The following EGFLAM variants were observed in gnomAD, a reference collection of about 807,000 sequenced individuals.
EGFLAM encodes the protein pikachurin.
In EGFLAM, 79 loss-of-function variants were observed where a neutral mutation model predicts 113.1. The observed-to-expected ratio is 0.70, with a 90% CI of 0.58 to 0.84. The LOEUF (loss-of-function observed/expected upper bound fraction) is 0.84, where lower values mean the gene tolerates loss of function less well. EGFLAM is among the 40% of genes least tolerant of loss of function. EGFLAM has a pLI of 0.00. For synonymous variants in EGFLAM, 504 were observed against 487.6 expected (o/e 1.03, Z -0.44); for missense variants, 1,265 against 1,291.6 (o/e 0.98, Z 0.32).
At chr5:38,422,726 G>A (rs75457342) in intron 12 of EGFLAM, among the ~76,000 whole-genome samples, 4,475 of 152,240 alleles carry the variant, frequency 0.029, 230 homozygotes, top group African/African-American at 0.1. Context: ...CAAAAAATGT[G>A]CAATAAATGG....
In EGFLAM at chr5:38,282,834, TTTGTTTGTTTGC is replaced by T. The variant is rs1417984262; in HGVS notation, c.97+23994_97+24005del. On this transcript the variant is annotated intron_variant, in intron 1 of 21. Coordinates refer to ENST00000322350, the MANE Select transcript of EGFLAM (RefSeq NM_152403.4). ...CTCATTCCCAACCTGCATTGAGTTT[TTTGTTTGTTTGC>T]TTGTTTGTTTTTTTCTGAGACAAGG... is the stretch of plus-strand genomic sequence containing the variant. Among the ~76,000 whole-genome samples, 747 of 152,234 alleles carry T rather than the reference TTTGTTTGTTTGC, an allele frequency of 4.9e-3. 9 individuals are homozygous for T. The highest frequency in any genetic ancestry group is 0.017 in the African/African-American group (700 of 41,520).
chr5:38,388,348 G>A (rs1740717747), intron 6 of EGFLAM, among the ~76,000 whole-genome samples: 1 of 152,080 alleles, frequency 6.6e-6, no homozygotes, highest in Admixed American at 6.5e-5. Context: ...GGCCAGGTGT[G>A]GTGGCTCACA....
chr5:38,301,319 C>T (rs1758573403), intron 1 of EGFLAM, among the ~76,000 whole-genome samples: 1 of 152,170 alleles, frequency 6.6e-6, no homozygotes, highest in Non-Finnish European at 1.5e-5. Flanking sequence ...AAGTGATCAC[C>T]TTGCAAATGC....
At chr5:38,343,633 C>T (rs1739401620) in intron 3 of EGFLAM, among the ~76,000 whole-genome samples, 1 of 152,124 alleles carries the variant, frequency 6.6e-6, no homozygotes. Context: ...AATAGAAATC[C>T]TTACAACTCC....
intron 6 of EGFLAM, among the ~76,000 whole-genome samples, chr5:38,404,108 AG>A (rs2112119657): frequency 6.6e-6 from 1 of 152,174 alleles, no homozygotes; most frequent in Non-Finnish European, 1.5e-5. Flanking sequence ...CTGGTCTGGG[AG>A]GAGATTGATT....
At chr5:38,311,594 C>A (rs1738447444) in intron 1 of EGFLAM, among the ~76,000 whole-genome samples, 1 of 152,144 alleles carries the variant, frequency 6.6e-6, no homozygotes, top group Non-Finnish European at 1.5e-5. Context: ...CATTGATGGA[C>A]AAACCTGCCT....
intron 1 of EGFLAM, among the ~76,000 whole-genome samples, chr5:38,289,044 T>C (rs1758239297): frequency 6.6e-6 from 1 of 151,798 alleles, no homozygotes; most frequent in Non-Finnish European, 1.5e-5. Context: ...TATGGGGGAG[T>C]GGGAATAGGA....
intron 1 of EGFLAM, among the ~76,000 whole-genome samples, chr5:38,284,437 G>A (rs1758102200): frequency 6.6e-6 from 1 of 152,198 alleles, no homozygotes; most frequent in African/African-American, 2.4e-5. Flanking sequence ...CAGGCTATAT[G>A]TGAATAAATG....
chr5:38,387,673 C>T (rs1443911639), intron 6 of EGFLAM, among the ~76,000 whole-genome samples: 3 of 152,254 alleles, frequency 2.0e-5, no homozygotes, highest in Non-Finnish European at 2.9e-5. Flanking sequence ...CCCTGAGCTG[C>T]GCTCCTGGTT....
chr5:38,375,061 T>G (rs1236728472), intron 6 of EGFLAM, among the ~76,000 whole-genome samples: 2 of 40,652 alleles, frequency 4.9e-5, no homozygotes, highest in South Asian at 6.7e-4. Flanking sequence ...TCTGTTGTTG[T>G]TTTTTTTTTT....
rs575522704 is a variant in EGFLAM at position 38,293,565 on chromosome 5, T to C, written c.97+34714T>C. The stretch of plus-strand genomic sequence containing the variant: ...TCCACACACACAAAATGTGAAAACA[T>C]ATTTTTTCCTTAGCTGTTTTCCTTT... On this transcript the variant is annotated intron_variant, in intron 1 of 21. Transcript: ENST00000322350. Among the ~76,000 whole-genome samples, 14 of 152,326 alleles carry C rather than the reference T, an allele frequency of 9.2e-5. 1 individual carries two copies. Among genetic ancestry groups the C allele is most frequent in the Middle Eastern group, 3.4e-3 (1 of 294 alleles).
chr5:38,309,412 C>G (rs1469047440), intron 1 of EGFLAM, among the ~76,000 whole-genome samples: 1 of 152,232 alleles, frequency 6.6e-6, no homozygotes, highest in Non-Finnish European at 1.5e-5. Flanking sequence ...TCACTCTTCT[C>G]TTGCCCACTG....
intron 19 of EGFLAM, among the ~76,000 whole-genome samples, chr5:38,455,904 A>G (rs1743070523): frequency 6.6e-6 from 1 of 152,182 alleles, no homozygotes; most frequent in Admixed American, 6.5e-5. Flanking sequence ...TCATGTTCCA[A>G]TCCAGCCTCC....
At chr5:38,452,499 C>T (rs372683762) in intron 19 of EGFLAM, among the ~76,000 whole-genome samples, 1 of 152,170 alleles carries the variant, frequency 6.6e-6, no homozygotes, top group East Asian at 1.9e-4. Context: ...ATGTTCCCTA[C>T]TCATAAATTA....
chr5:38,424,610 G>T (rs1225218038), intron 12 of EGFLAM, among the ~76,000 whole-genome samples: 1 of 152,180 alleles, frequency 6.6e-6, no homozygotes, highest in Non-Finnish European at 1.5e-5. Flanking sequence ...ACATTGGAGG[G>T]ATTGAAATAT....
chr5:38,429,188 G>T (rs528256043), intron 14 of EGFLAM, among the ~76,000 whole-genome samples: 6 of 152,168 alleles, frequency 3.9e-5, no homozygotes, highest in Non-Finnish European at 8.8e-5. Context: ...GTTCTTGATG[G>T]CTGTGATCGA....
intron 1 of EGFLAM, among the ~76,000 whole-genome samples, chr5:38,271,677 G>C (rs1043773565): frequency 6.6e-6 from 1 of 152,158 alleles, no homozygotes; most frequent in African/African-American, 2.4e-5. Flanking sequence ...GTTACCTCCA[G>C]TTCTATGAAG....
intron 17 of EGFLAM, chr5:38,445,448 A>C: frequency 2.2e-6 from 3 of 1,384,310 alleles, no homozygotes; most frequent in South Asian, 1.6e-5. Context: ...TAAGCCGAGA[A>C]GAGGTGAGGA....
At chr5:38,345,281 G>T (rs1432299697) in intron 3 of EGFLAM, 2 of 152,166 alleles carry the variant, frequency 1.3e-5, no homozygotes, top group Non-Finnish European at 2.9e-5. Flanking sequence ...GGAAATGATG[G>T]CGTACAGAGA....
Sources: allele counts gnomAD v4.1 joint callset (sites outside exome capture counted in the v4.1 genomes callset), GRCh38; gene constraint gnomAD v4.1.1; transcripts MANE v1.5; gene names NCBI Gene and HGNC (gene_info 2026-07-23, HGNC 2026-07-21).